The following ZBTB46 variants were observed in gnomAD, a reference collection of about 807,000 sequenced individuals.
The protein encoded by ZBTB46 is zinc finger and BTB domain containing 46, also known as zinc finger and BTB domain-containing protein 46.
ZBTB46 carries 8 observed loss-of-function variants against 44.1 expected under a neutral mutation model. The ratio of observed to expected loss-of-function variants is 0.18; its 90% CI spans 0.11 to 0.33. The LOEUF is 0.33. Among genes scored for constraint, ZBTB46 ranks in the 10% least tolerant of loss-of-function variants. The pLI is 1.00. For synonymous variants in ZBTB46, 409 were observed against 382.3 expected (o/e 1.07, Z -0.81); for missense variants, 651 against 847.7 (o/e 0.77, Z 2.88).
chr20:63,801,601 C>T (rs967480657), intron 1 of ZBTB46, among the ~76,000 whole-genome samples: 2 of 152,202 alleles, frequency 1.3e-5, no homozygotes, highest in Non-Finnish European at 2.9e-5. Flanking sequence ...TGGGTCCACA[C>T]TGTCTTTATG....
chr20:63,823,858 T>TTCTGTGTGTGTGTGTGTGTGTGTGTG lies in ZBTB46; in HGVS notation c.-34+7238_-34+7239insCACACACACACACACACACACACAGA, dbSNP rs144086739. Among the ~76,000 whole-genome samples, 537 of 144,792 alleles carry TTCTGTGTGTGTGTGTGTGTGTGTGTG rather than the reference T, an allele frequency of 3.7e-3. 8 individuals are homozygous for TTCTGTGTGTGTGTGTGTGTGTGTGTG. The highest frequency in any genetic ancestry group is 0.013 in the African/African-American group (509 of 38,448). 95.0% of individuals were successfully genotyped at this position (144,792 alleles called of 152,430 possible). A position where few individuals can be genotyped will look rare whatever the true frequency, so the allele number is the denominator to read the frequency against. On this transcript the variant is annotated intron_variant, in intron 1 of 4. Transcript: ENST00000245663. ...TCCTGACCTTTGTCCTCTAGGAACCTTGTGTGTGTGTGTGTGTGTGTGTGT... is the reference window on the plus strand; with the variant it reads ...TCCTGACCTTTGTCCTCTAGGAACCTTCTGTGTGTGTGTGTGTGTGTGTGTGTGTGTGTGTGTGTGTGTGTGTGTGT...
At chr20:63,818,768 G>C (rs1258972566) in intron 1 of ZBTB46, among the ~76,000 whole-genome samples, 1 of 150,674 alleles carries the variant, frequency 6.6e-6, no homozygotes, top group Non-Finnish European at 1.5e-5. Flanking sequence ...TGAGGCAGGA[G>C]AATCGCTTGA....
intron 3 of ZBTB46, among the ~76,000 whole-genome samples, chr20:63,765,870 C>G (rs991154248): frequency 9.9e-5 from 15 of 152,214 alleles, no homozygotes; most frequent in African/African-American, 3.4e-4. Flanking sequence ...TTTTTAGGTT[C>G]TATGGCACAT....
At chr20:63,833,250 G>A (rs1404805888), upstream of ZBTB46, among the ~76,000 whole-genome samples, 3 of 152,182 alleles carry the variant, frequency 2.0e-5, no homozygotes, top group Non-Finnish European at 2.9e-5. Flanking sequence ...ATCTCACCAC[G>A]ACCCAGGCCA....
At chr20:63,749,695 A>G (rs2092142673) in intron 4 of ZBTB46, among the ~76,000 whole-genome samples, 3 of 152,258 alleles carry the variant, frequency 2.0e-5, no homozygotes, top group Non-Finnish European at 4.4e-5. Flanking sequence ...AAGCCACAGT[A>G]GAAACTTCCC....
chr20:63,752,906 A>T lies in ZBTB46; in HGVS notation c.1223-45T>A, dbSNP rs762038491. The T allele has an allele frequency of 7.1e-6, 11 of 1,548,546 alleles. No homozygotes were observed. In the Admixed American group the frequency reaches 1.9e-4, roughly 27 times the overall value. On this transcript the variant is annotated intron_variant, in intron 3 of 4. Coordinates refer to ENST00000245663, the MANE Select transcript of ZBTB46 (RefSeq NM_001369741.1). This position sits in a 1 kb window ranked among gnomAD's most constrained non-coding sequence, Gnocchi z 5.6. ...GAGGCGTCAGCAGGGCTTGGGATGT[A>T]CCGCCCTGCGGCCCACAGACCACGG...
At chr20:63,806,284 G>A (rs766433341) in intron 1 of ZBTB46, among the ~76,000 whole-genome samples, 32 of 150,934 alleles carry the variant, frequency 2.1e-4, no homozygotes, top group Non-Finnish European at 4.0e-4. Context: ...ACGGGTGCCT[G>A]TAATCCCAGC....
intron 1 of ZBTB46, among the ~76,000 whole-genome samples, chr20:63,800,193 C>T (rs1568884332): frequency 6.6e-6 from 1 of 152,226 alleles, no homozygotes; most frequent in Non-Finnish European, 1.5e-5. Flanking sequence ...ATACAGGTCA[C>T]ATCCACGCCA....
At chr20:63,811,001 C>A (rs2092714579) in intron 1 of ZBTB46, among the ~76,000 whole-genome samples, 1 of 152,228 alleles carries the variant, frequency 6.6e-6, no homozygotes. Flanking sequence ...AGCCGGAGAA[C>A]ACTGGAGAGC....
intron 1 of ZBTB46, among the ~76,000 whole-genome samples, chr20:63,791,784 C>T (rs1320749776): frequency 1.3e-5 from 2 of 152,172 alleles, no homozygotes; most frequent in African/African-American, 2.4e-5. Context: ...AGTCACAGGA[C>T]ACACAGAATC....
chr20:63,763,205 ATAATG>A (rs1175017149), intron 3 of ZBTB46, among the ~76,000 whole-genome samples: 1 of 152,194 alleles, frequency 6.6e-6, no homozygotes, highest in African/African-American at 2.4e-5. Context: ...TTCATTTTTA[ATAATG>A]TAATTATTGA....
In ZBTB46 at chr20:63,759,812, ATT is replaced by A. The variant is rs574625087; in HGVS notation, c.1223-6953_1223-6952del. 4.3e-4 allele frequency among the ~76,000 whole-genome samples: 65 copies of A among 152,180 alleles called. 1 individual carries two copies. Among genetic ancestry groups the A allele is most frequent in the African/African-American group, 1.5e-3 (61 of 41,528 alleles). On this transcript the variant is annotated intron_variant, in intron 3 of 4. Coordinates refer to ENST00000245663, the MANE Select transcript of ZBTB46 (RefSeq NM_001369741.1). The stretch of plus-strand genomic sequence containing the variant: ...AGATACTTTTTGTCAGATTTAGAAC[ATT>A]TCTTTATACTCCAATTTGCCGATTC...
chr20:63,755,339 T>C (rs756145692), intron 3 of ZBTB46, among the ~76,000 whole-genome samples: 12 of 152,248 alleles, frequency 7.9e-5, no homozygotes, highest in Non-Finnish European at 1.8e-4. Context: ...GGGCTGGCTC[T>C]CTCCAGTAGC....
At chr20:63,794,245 G>T (rs1019269071) in intron 1 of ZBTB46, among the ~76,000 whole-genome samples, 1 of 151,688 alleles carries the variant, frequency 6.6e-6, no homozygotes, top group African/African-American at 2.4e-5. Flanking sequence ...ACAATCTTTT[G>T]CAGTGGCACG....
chr20:63,771,307 C>T (rs141469517), intron 3 of ZBTB46, among the ~76,000 whole-genome samples: 3 of 152,224 alleles, frequency 2.0e-5, no homozygotes, highest in Admixed American at 6.5e-5. Flanking sequence ...CAATGAGCTG[C>T]CCCCACTCTC....
At chr20:63,748,128 C>T (rs1397317363) in intron 4 of ZBTB46, among the ~76,000 whole-genome samples, 2 of 152,256 alleles carry the variant, frequency 1.3e-5, no homozygotes, top group African/African-American at 4.8e-5. Flanking sequence ...GGAGGCAACT[C>T]CCCCACTCTC....
At chr20:63,807,756 G>A (rs528195131) in intron 1 of ZBTB46, among the ~76,000 whole-genome samples, 1 of 152,384 alleles carries the variant, frequency 6.6e-6, no homozygotes, top group African/African-American at 2.4e-5. Context: ...CAAAACAAGC[G>A]AAGCACCCGT....
intron 3 of ZBTB46, chr20:63,769,419 GAAC>G (rs1216272535): frequency 4.4e-5 from 43 of 985,284 alleles, no homozygotes; most frequent in South Asian, 4.7e-5. Context: ...TCACCCACAG[GAAC>G]GCGCACCAGC....
chr20:63,793,619 A>C (rs751137427), intron 1 of ZBTB46, among the ~76,000 whole-genome samples: 2 of 97,960 alleles, frequency 2.0e-5, no homozygotes, highest in Non-Finnish European at 4.3e-5. Context: ...GTAAGAATTA[A>C]GGAGAACTAT....
Sources: gnomAD v4.1 joint callset for allele counts (sites outside exome capture counted in the v4.1 genomes callset) on GRCh38, gnomAD v4.1.1 for gene constraint, Gnocchi (gnomAD v3.1) non-coding constraint, MANE v1.5 for transcripts, NCBI Gene and HGNC (gene_info 2026-07-23, HGNC 2026-07-21) for gene names.